The following SAMMSON variants were observed in gnomAD, a reference collection of about 807,000 sequenced individuals.
SAMMSON encodes long intergenic non-protein coding RNA 1212.
intron 6 of SAMMSON, among the ~76,000 whole-genome samples, chr3:70,290,061 G>T (rs922154566): frequency 6.6e-6 from 1 of 152,176 alleles, no homozygotes; most frequent in African/African-American, 2.4e-5. Flanking sequence ...CTCTCAGCTC[G>T]TCAAAGTCAT....
intron 3 of SAMMSON, among the ~76,000 whole-genome samples, chr3:70,021,533 G>T (rs563041240): frequency 6.6e-6 from 1 of 152,086 alleles, no homozygotes; most frequent in Non-Finnish European, 1.5e-5. Context: ...AATGCCAAAT[G>T]TATTTCTACT....
chr3:70,045,129 ATATAT>A, intron 3 of SAMMSON, among the ~76,000 whole-genome samples: 1 of 80,044 alleles, frequency 1.2e-5, no homozygotes, highest in East Asian at 2.1e-4. Context: ...ATTAATTATA[ATATAT>A]TATAATTTAT....
chr3:70,001,514 T>G (rs2066905602), intron 1 of SAMMSON, among the ~76,000 whole-genome samples: 1 of 151,940 alleles, frequency 6.6e-6, no homozygotes, highest in South Asian at 2.1e-4. Flanking sequence ...TTCTCTCCCA[T>G]TTTTAAAAAA....
rs962348660 is a variant in SAMMSON at position 70,244,660 on chromosome 3, G to A, written n.508-4447G>A. Among the ~76,000 whole-genome samples, 11 of 152,200 alleles carry A rather than the reference G, an allele frequency of 7.2e-5. No individual in the cohort carries two copies. The East Asian group carries it at 2.1e-3, about 29-fold the overall frequency. ...CTTTAGGGCAAATGCAATTAACTTA[G>A]AATAATAGACTCAAATTTGATGGTT... On this transcript the variant is annotated intron_variant and non_coding_transcript_variant, in intron 4 of 9. Coordinates refer to ENST00000642114, the Ensembl canonical transcript of SAMMSON.
chr3:70,052,908 G>A (rs921037134), intron 3 of SAMMSON, among the ~76,000 whole-genome samples: 2 of 152,108 alleles, frequency 1.3e-5, no homozygotes, highest in East Asian at 1.9e-4. Flanking sequence ...TGGCAAGAAC[G>A]TGAATGATGT....
intron 3 of SAMMSON, chr3:70,068,345 A>G (rs1697733202): frequency 6.6e-6 from 1 of 152,084 alleles, no homozygotes; most frequent in Admixed American, 6.6e-5. Context: ...CCTGCAAGGG[A>G]AACGAAGATA....
chr3:70,373,470 G>T (rs984178034), intron 9 of SAMMSON, among the ~76,000 whole-genome samples: 6 of 152,094 alleles, frequency 3.9e-5, no homozygotes, highest in African/African-American at 1.4e-4. Context: ...TCTTGTTGGG[G>T]TTTACTATAA....
At chr3:70,220,285 G>GC (rs1311849897) in intron 4 of SAMMSON, among the ~76,000 whole-genome samples, 2 of 151,972 alleles carry the variant, frequency 1.3e-5, no homozygotes, top group African/African-American at 4.8e-5. Context: ...CTTTCTTGAG[G>GC]CTAGGCTCAG....
chr3:70,323,119 C>G (rs1218854256), intron 7 of SAMMSON, among the ~76,000 whole-genome samples: 1 of 152,018 alleles, frequency 6.6e-6, no homozygotes, highest in Non-Finnish European at 1.5e-5. Flanking sequence ...ATAAAAAGTA[C>G]AAAGCTCTTT....
intron 2 of SAMMSON, among the ~76,000 whole-genome samples, chr3:70,419,869 A>C (rs1221360180): frequency 6.6e-6 from 1 of 152,098 alleles, no homozygotes; most frequent in Non-Finnish European, 1.5e-5. Context: ...CGATCTCCTG[A>C]CCTCGTGATC....
intron 2 of SAMMSON, among the ~76,000 whole-genome samples, chr3:70,397,841 A>C (rs754237728): frequency 3.3e-5 from 5 of 152,222 alleles, no homozygotes; most frequent in Non-Finnish European, 7.3e-5. Context: ...ACTTGCTGAT[A>C]TATTAGACAA....
intron 1 of SAMMSON, among the ~76,000 whole-genome samples, chr3:70,007,704 G>C (rs1476037120): frequency 6.6e-6 from 1 of 152,040 alleles, no homozygotes; most frequent in Non-Finnish European, 1.5e-5. Context: ...TGGTGTTTTA[G>C]ACATGAAGTC....
intron 4 of SAMMSON, among the ~76,000 whole-genome samples, chr3:70,134,096 A>T (rs1276036018): frequency 6.6e-6 from 1 of 150,552 alleles, no homozygotes; most frequent in Non-Finnish European, 1.5e-5. Flanking sequence ...ACAAAAAAAA[A>T]AAAAAAAAAA....
intron 4 of SAMMSON, among the ~76,000 whole-genome samples, chr3:70,211,759 TC>T (rs1020861033): frequency 5.3e-5 from 8 of 149,564 alleles, no homozygotes; most frequent in African/African-American, 2.0e-4. Flanking sequence ...TTTCTGCTTT[TC>T]TTTCTCCCTT....
chr3:70,050,273 C>T (rs2067141340), intron 3 of SAMMSON, among the ~76,000 whole-genome samples: 1 of 152,128 alleles, frequency 6.6e-6, no homozygotes, highest in South Asian at 2.1e-4. Context: ...GGTACAAACA[C>T]AGTCTGCTGC....
At chr3:70,250,884 A>G (rs1701758901) in intron 6 of SAMMSON, among the ~76,000 whole-genome samples, 1 of 152,214 alleles carries the variant, frequency 6.6e-6, no homozygotes, top group Non-Finnish European at 1.5e-5. Flanking sequence ...AGGCTTCATC[A>G]AAAATATATA....
chr3:70,308,657 G>T (rs1463287995), intron 7 of SAMMSON, among the ~76,000 whole-genome samples: 1 of 152,150 alleles, frequency 6.6e-6, no homozygotes, highest in South Asian at 2.1e-4. Context: ...GTCCTTGAGT[G>T]CAGGAGAGTA....
chr3:70,215,944 C>A (rs1701405471), intron 4 of SAMMSON, among the ~76,000 whole-genome samples: 1 of 152,004 alleles, frequency 6.6e-6, no homozygotes, highest in Non-Finnish European at 1.5e-5. Flanking sequence ...AAATTTCTGT[C>A]TTTTGTGGTA....
At chr3:70,138,187 C>T (rs2067513688) in intron 4 of SAMMSON, among the ~76,000 whole-genome samples, 1 of 152,154 alleles carries the variant, frequency 6.6e-6, no homozygotes, top group South Asian at 2.1e-4. Flanking sequence ...GAAGAAATAA[C>T]ATTTTCATTG....
Sources: gnomAD v4.1 joint callset for allele counts (sites outside exome capture counted in the v4.1 genomes callset) on GRCh38, gnomAD v4.1.1 for gene constraint, MANE v1.5 for transcripts, NCBI Gene and HGNC (gene_info 2026-07-23, HGNC 2026-07-21) for gene names.